COL24A1: variants seen among roughly 807,000 people sequenced by gnomAD.
The protein encoded by COL24A1 is collagen type XXIV alpha 1 chain, also known as collagen alpha-1(XXIV) chain.
A neutral mutation model predicts 253.9 loss-of-function variants in COL24A1; 224 were observed. The ratio of observed to expected loss-of-function variants is 0.88; its 90% CI spans 0.79 to 0.99. The LOEUF is 0.99. COL24A1 is among the 50% of genes least tolerant of loss of function. COL24A1 has a pLI of 0.00. For synonymous variants in COL24A1, 685 were observed against 673.7 expected (o/e 1.02, Z -0.26); for missense variants, 2,131 against 2,068.5 (o/e 1.03, Z -0.59).
chr1:86,107,496 T>G (rs1705098644), intron 5 of COL24A1, among the ~76,000 whole-genome samples: 1 of 151,446 alleles, frequency 6.6e-6, no homozygotes, highest in Non-Finnish European at 1.5e-5. Context: ...GATACATTTG[T>G]GACACAATGG....
At chr1:85,954,216 A>C (rs1558785779) in intron 24 of COL24A1, among the ~76,000 whole-genome samples, 1 of 152,200 alleles carries the variant, frequency 6.6e-6, no homozygotes, top group Non-Finnish European at 1.5e-5. Context: ...TTTCAGTTTC[A>C]AAAATGATAA....
At position 85,904,660 on chromosome 1, in the gene COL24A1, C is replaced by G. The variant is rs190950475; in HGVS notation, c.2778+2534G>C. ...TTAAAGTTTATGCCATGTTTCTTAT[C>G]TAAGAATCTCTGTAAGAATGATATT... On this transcript the variant is annotated intron_variant, in intron 28 of 59. Transcript: ENST00000370571. 2.6e-5 allele frequency among the ~76,000 whole-genome samples: 4 copies of G among 152,140 alleles called. No homozygotes were observed. The East Asian group carries it at 7.7e-4, about 29-fold the overall frequency.
chr1:85,836,482 T>C (rs1676018677), intron 43 of COL24A1, among the ~76,000 whole-genome samples: 2 of 152,182 alleles, frequency 1.3e-5, no homozygotes, highest in South Asian at 4.1e-4. Flanking sequence ...ACAATATCCA[T>C]ATAGAAAAGC....
chr1:86,113,280 C>T (rs1018392110), intron 4 of COL24A1, among the ~76,000 whole-genome samples: 7 of 152,140 alleles, frequency 4.6e-5, no homozygotes, highest in Admixed American at 6.5e-5. Context: ...GAAACTTAAG[C>T]GCATACAACC....
intron 37 of COL24A1, among the ~76,000 whole-genome samples, chr1:85,867,594 A>T (rs1679939235): frequency 6.6e-6 from 1 of 152,240 alleles, no homozygotes. Flanking sequence ...TAAAGACAAT[A>T]ACTTTGAGGA....
rs746204022 is a variant in COL24A1, at chr1:86,112,624, C to A, written c.1546-4G>T. On this transcript the variant is annotated splice_region_variant and splice_polypyrimidine_tract_variant and intron_variant, in intron 4 of 59. Transcript: ENST00000370571. ...TTCCATGTGGCCCTGGTATGCCCTG[C>A]AAGTAACGAAAAAAGTCATCATTCT... 3.0e-5 allele frequency: 48 copies of A among 1,611,492 alleles called. No homozygotes were observed. The South Asian group carries it at 4.2e-4, about 14-fold the overall frequency.
intron 24 of COL24A1, among the ~76,000 whole-genome samples, chr1:85,923,378 C>T (rs1465554229): frequency 6.6e-6 from 1 of 152,144 alleles, no homozygotes. Context: ...GCCTTCTCAG[C>T]AACACATCAC....
Position 85,987,628 on chromosome 1 carries a change from A to T in COL24A1, c.2337T>A (p.Pro779=), listed in dbSNP as rs1309146085. 1.2e-6 allele frequency: 2 copies of T among 1,610,718 alleles called. No individual in the cohort carries two copies. Among genetic ancestry groups the T allele is most frequent in the Non-Finnish European group, 1.7e-6 (2 of 1,178,032 alleles). The stretch of plus-strand genomic sequence containing the variant: ...TTGGTCCTTCAGGGCCGTTTTGTCC[A>T]GGAATCCCAATATCTCCTGGAAAAC... ...PEGFPGDIGI[P]GQNGPEGPKG... is the part of the protein sequence containing the mutation. Residue 779 remains proline, a synonymous_variant, in exon 20 of 60, where the codon CCT becomes CCA. Transcript: ENST00000370571.
chr1:85,909,034 C>T lies in COL24A1; in HGVS notation c.2671-383G>A, dbSNP rs542577043. Among the ~76,000 whole-genome samples, 8 of 151,710 alleles carry T rather than the reference C, an allele frequency of 5.3e-5. No homozygotes were observed. In the East Asian group the frequency reaches 1.5e-3, roughly 29 times the overall value. On this transcript the variant is annotated intron_variant, in intron 26 of 59. Coordinates refer to ENST00000370571, the MANE Select transcript of COL24A1 (RefSeq NM_152890.7). ...ATAGGTTATGAAACTATATCCTTTT[C>T]GGAGAGGTCCAGGAGCTCTCTAATT...
chr1:86,110,273 A>G (rs1339978052), intron 5 of COL24A1, among the ~76,000 whole-genome samples: 2 of 151,860 alleles, frequency 1.3e-5, no homozygotes, highest in Non-Finnish European at 2.9e-5. Flanking sequence ...TAAATATTTT[A>G]TGTTTAGTGA....
chr1:85,987,858 T>C (rs551373637), intron 19 of COL24A1, among the ~76,000 whole-genome samples: 1 of 151,988 alleles, frequency 6.6e-6, no homozygotes, highest in Non-Finnish European at 1.5e-5. Context: ...ATTTACTCCA[T>C]CAGTGATTCA....
intron 35 of COL24A1, 29 bp from the exon 36 acceptor site, chr1:85,868,864 A>G (rs751283610): frequency 1.3e-6 from 2 of 1,518,976 alleles, no homozygotes; most frequent in South Asian, 2.5e-5. Context: ...AGTATGATTG[A>G]GTTTTTTTTT....
At chr1:86,037,235 A>G (rs1467798544) in intron 12 of COL24A1, among the ~76,000 whole-genome samples, 4 of 152,180 alleles carry the variant, frequency 2.6e-5, no homozygotes, top group Non-Finnish European at 2.9e-5. Flanking sequence ...CCCATTTCCC[A>G]GTGTTCACAC....
At chr1:85,879,464 G>A (rs945596844) in intron 32 of COL24A1, among the ~76,000 whole-genome samples, 6 of 151,946 alleles carry the variant, frequency 3.9e-5, no homozygotes, top group African/African-American at 1.2e-4. Context: ...CTATTTCTGG[G>A]CTTACCACTC....
At chr1:85,835,706 C>A (rs1349977022) in intron 43 of COL24A1, among the ~76,000 whole-genome samples, 1 of 151,916 alleles carries the variant, frequency 6.6e-6, no homozygotes, top group Non-Finnish European at 1.5e-5. Context: ...ATACAGAAAT[C>A]CAGAGACAAA....
intron 53 of COL24A1, among the ~76,000 whole-genome samples, chr1:85,770,990 C>G (rs146277952): frequency 2.6e-5 from 4 of 152,160 alleles, no homozygotes; most frequent in Admixed American, 6.6e-5. Flanking sequence ...TCTCCTGATG[C>G]CTGGCAAGGC....
rs991564388 is a variant in COL24A1 at position 86,146,137 on chromosome 1, C to G, written c.103G>C (p.Val35Leu). ...FIVLCVAGVV[V>L]HAQEQGIDIL... ...TTCTTACCTTGTTCTTGTGCATGAA[C>G]AACCACCCCAGCCACACATAGTACA... Residue 35 changes from valine (V) to leucine (L), a missense_variant, in exon 2 of 60, where the codon GTT (valine) becomes CTT (leucine). Coordinates refer to ENST00000370571, the MANE Select transcript of COL24A1 (RefSeq NM_152890.7). 2 of 1,611,172 alleles carry G rather than the reference C, an allele frequency of 1.2e-6. No homozygotes were observed. The highest frequency in any genetic ancestry group is 2.7e-5 in the African/African-American group (2 of 74,792).
At chr1:86,083,402 A>T (rs1047770476) in intron 7 of COL24A1, among the ~76,000 whole-genome samples, 4 of 151,876 alleles carry the variant, frequency 2.6e-5, no homozygotes, top group Admixed American at 6.6e-5. Context: ...TCATATATGT[A>T]TATCATTTAC....
intron 35 of COL24A1, among the ~76,000 whole-genome samples, chr1:85,870,887 C>G (rs1014383310): frequency 1.3e-5 from 2 of 151,908 alleles, no homozygotes; most frequent in Non-Finnish European, 2.9e-5. Context: ...AAAAACCCTT[C>G]AAAAAATCAA....
Sources: gnomAD v4.1 joint callset for allele counts (sites outside exome capture counted in the v4.1 genomes callset) on GRCh38, gnomAD v4.1.1 for gene constraint, MANE v1.5 for transcripts, NCBI Gene and HGNC (gene_info 2026-07-23, HGNC 2026-07-21) for gene names.